Variants in CLVS1 observed in about 807,000 individuals in gnomAD.
The protein encoded by CLVS1 is clavesin 1, also known as clavesin-1.
CLVS1 carries 10 observed loss-of-function variants against 33.1 expected under a neutral mutation model. The observed-to-expected ratio is 0.30, with a 90% CI of 0.19 to 0.51. CLVS1 has a LOEUF of 0.51. Ranked by LOEUF, CLVS1 falls within the 20% of genes least tolerant of loss-of-function variation. The pLI is 0.97. For missense variants in CLVS1, 343 were observed against 433.4 expected (o/e 0.79, Z 1.85); for synonymous variants, 163 against 166.1 (o/e 0.98, Z 0.14).
intron 2 of CLVS1, among the ~76,000 whole-genome samples, chr8:61,312,836 C>A (rs1563490795): frequency 6.6e-6 from 1 of 152,160 alleles, no homozygotes; most frequent in Admixed American, 6.5e-5. Flanking sequence ...ATGTTTGGGG[C>A]CTGCTGTCAG....
chr8:60,979,681 C>T, the CLVS1 span, among the ~76,000 whole-genome samples: 1 of 152,170 alleles, frequency 6.6e-6, no homozygotes. Context: ...GGTCCACCAA[C>T]CCCAGGTGAG....
At chr8:61,119,004 T>G (rs1805801260) in intron 1 of CLVS1, among the ~76,000 whole-genome samples, 1 of 152,136 alleles carries the variant, frequency 6.6e-6, no homozygotes, top group Non-Finnish European at 1.5e-5. Flanking sequence ...TGTGTGGGAG[T>G]CTAAGTCTCT....
intron 1 of CLVS1, among the ~76,000 whole-genome samples, chr8:61,105,653 ATAAG>A (rs1286583033): frequency 6.6e-6 from 1 of 152,222 alleles, no homozygotes; most frequent in Non-Finnish European, 1.5e-5. Flanking sequence ...TCATTTGTAA[ATAAG>A]TAAATTAATT....
At chr8:61,351,716 A>C (rs1812470978) in intron 2 of CLVS1, among the ~76,000 whole-genome samples, 7 of 152,132 alleles carry the variant, frequency 4.6e-5, no homozygotes, top group Admixed American at 4.6e-4. Context: ...ATGCAGAGGA[A>C]CACCAATTCA....
At chr8:61,335,052 G>A (rs1431984380) in intron 2 of CLVS1, among the ~76,000 whole-genome samples, 1 of 152,186 alleles carries the variant, frequency 6.6e-6, no homozygotes, top group East Asian at 1.9e-4. Flanking sequence ...CAGTCTTCTT[G>A]CGCTGAGTCA....
At chr8:61,409,734 C>T (rs868443814) in intron 3 of CLVS1, among the ~76,000 whole-genome samples, 12 of 152,256 alleles carry the variant, frequency 7.9e-5, no homozygotes, top group East Asian at 3.9e-4. Flanking sequence ...GGGGACGGTG[C>T]GCTAAAGTAT....
intron 2 of CLVS1, among the ~76,000 whole-genome samples, chr8:61,356,720 G>C (rs1350694391): frequency 5.3e-5 from 8 of 152,184 alleles, no homozygotes; most frequent in Admixed American, 1.3e-4. Flanking sequence ...AAGTCAGATA[G>C]TTGTAGATGT....
chr8:61,351,544 A>G (rs1158994880), intron 2 of CLVS1, among the ~76,000 whole-genome samples: 2 of 152,072 alleles, frequency 1.3e-5, no homozygotes, highest in African/African-American at 4.8e-5. Flanking sequence ...ATGGCTGAAA[A>G]CTTCCCAAAT....
chr8:60,982,923 G>A, the CLVS1 span, among the ~76,000 whole-genome samples: 1 of 152,128 alleles, frequency 6.6e-6, no homozygotes, highest in Non-Finnish European at 1.5e-5. Flanking sequence ...GGGTGACAGA[G>A]TAAGAACTTG....
At chr8:61,492,829 TTA>T (rs1477051600) in intron 5 of CLVS1, among the ~76,000 whole-genome samples, 2 of 152,180 alleles carry the variant, frequency 1.3e-5, no homozygotes, top group Non-Finnish European at 2.9e-5. Flanking sequence ...CTTAAAAAAA[TTA>T]TTTATCGGGT....
chr8:61,138,958 A>G (rs1806247776), intron 2 of CLVS1, among the ~76,000 whole-genome samples: 1 of 152,210 alleles, frequency 6.6e-6, no homozygotes, highest in African/African-American at 2.4e-5. Context: ...CTTGCAGGAG[A>G]GGAAAGTCGT....
At chr8:61,267,692 G>T (rs1809339797) in intron 2 of CLVS1, among the ~76,000 whole-genome samples, 1 of 152,104 alleles carries the variant, frequency 6.6e-6, no homozygotes, top group African/African-American at 2.4e-5. Context: ...CTTCTCAACT[G>T]CAAATATATT....
chr8:61,372,856 G>C (rs1233425590), intron 2 of CLVS1, among the ~76,000 whole-genome samples: 1 of 152,172 alleles, frequency 6.6e-6, no homozygotes, highest in Non-Finnish European at 1.5e-5. Context: ...AGATCATAGA[G>C]GTCAAGTGCC....
At chr8:61,082,422 C>T (rs537835027) in intron 1 of CLVS1, among the ~76,000 whole-genome samples, 1 of 151,864 alleles carries the variant, frequency 6.6e-6, no homozygotes, top group Non-Finnish European at 1.5e-5. Flanking sequence ...ATGATAGATG[C>T]CAAATCACAG....
chr8:61,341,562 G>A (rs150248990), intron 2 of CLVS1, among the ~76,000 whole-genome samples: 18 of 152,266 alleles, frequency 1.2e-4, no homozygotes, highest in East Asian at 5.8e-4. Context: ...CCCACCATCC[G>A]GTTTCTTCAT....
At chr8:61,074,354 G>GTGTGTGTATATATATATATATAAGTATA (rs1804859745) in intron 1 of CLVS1, among the ~76,000 whole-genome samples, 2 of 103,290 alleles carry the variant, frequency 1.9e-5, no homozygotes, top group Admixed American at 2.0e-4. Context: ...AAATATGTGT[G>GTGTGTGTATATATATATATATAAGTATA]TGTGTGTATA....
At chr8:61,166,000 G>A (rs1252422154) in intron 2 of CLVS1, among the ~76,000 whole-genome samples, 1 of 128,790 alleles carries the variant, frequency 7.8e-6, no homozygotes, top group African/African-American at 2.8e-5. Flanking sequence ...AAGAACGTGG[G>A]TTACATATTT....
rs189669578 is a variant in CLVS1, at chr8:61,322,065, C to T, written c.455+21783C>T. Among the ~76,000 whole-genome samples, 3 of 152,200 alleles carry T rather than the reference C, an allele frequency of 2.0e-5. No homozygotes were observed. The East Asian group carries it at 5.8e-4, about 29-fold the overall frequency. On this transcript the variant is annotated intron_variant, in intron 2 of 5. Transcript: ENST00000325897. ...CCCTAGCTCCACTAGAATATAAATT[C>T]CCAGAAGGAGAATAGAGATCTTTGT... is the stretch of plus-strand genomic sequence containing the variant.
intron 2 of CLVS1, among the ~76,000 whole-genome samples, chr8:61,223,060 C>A (rs951328600): frequency 6.6e-6 from 1 of 151,168 alleles, no homozygotes; most frequent in East Asian, 1.9e-4. Context: ...TTAATTTGAG[C>A]CTGTGTGTGT....
Sources: gnomAD v4.1 joint callset for allele counts (sites outside exome capture counted in the v4.1 genomes callset) on GRCh38, gnomAD v4.1.1 for gene constraint, MANE v1.5 for transcripts, NCBI Gene and HGNC (gene_info 2026-07-23, HGNC 2026-07-21) for gene names.